Variants in LANCL1 observed in about 807,000 individuals in gnomAD.
LANCL1 encodes the protein glutathione S-transferase LANCL1.
A neutral mutation model predicts 50.6 loss-of-function variants in LANCL1; 50 were observed. The observed-to-expected ratio is 0.99, with a 90% confidence interval of 0.79 to 1.25. The LOEUF is 1.25. Among genes scored for constraint, LANCL1 ranks in the 50% most tolerant of loss-of-function variants. The pLI, the probability that LANCL1 is intolerant of heterozygous loss-of-function variation, is 0.00. For missense variants in LANCL1, 532 were observed against 480.7 expected (o/e 1.11, Z -1.00); for synonymous variants, 188 against 178.6 (o/e 1.05, Z -0.42).
intron 3 of LANCL1, among the ~76,000 whole-genome samples, chr2:210,456,203 C>A (rs1320664606): frequency 2.0e-5 from 3 of 152,084 alleles, no homozygotes; most frequent in Non-Finnish European, 2.9e-5. Flanking sequence ...CCCATTTTTT[C>A]CCTTGAAGTA....
At chr2:210,474,435 GC>G (rs944215046) in intron 2 of LANCL1, among the ~76,000 whole-genome samples, 46 of 152,086 alleles carry the variant, frequency 3.0e-4, no homozygotes, top group African/African-American at 1.1e-3. Context: ...GTTAAATTTG[GC>G]CCGACATGGT....
At chr2:210,454,222 ACAC>A (rs1459832184) in intron 4 of LANCL1, among the ~76,000 whole-genome samples, 1 of 1,244 alleles carries the variant, frequency 8.0e-4, no homozygotes, top group Non-Finnish European at 1.3e-3. Context: ...GCATACATAC[ACAC>A]ACACACACAC....
intron 1 of LANCL1, 67 bp downstream of exon 1, chr2:210,476,553 G>A (rs887971729): frequency 5.0e-6 from 7 of 1,395,096 alleles, no homozygotes; most frequent in Non-Finnish European, 6.5e-6. Context: ...TGGACCTCGG[G>A]CCCACTGCGG....
intron 3 of LANCL1, chr2:210,460,746 T>C (rs896656601): frequency 2.6e-5 from 4 of 152,170 alleles, no homozygotes; most frequent in Admixed American, 2.6e-4. Flanking sequence ...AAGCTGAGCA[T>C]TGTGGGCCGT....
At chr2:210,473,257 C>T (rs1036670671) in intron 2 of LANCL1, among the ~76,000 whole-genome samples, 1 of 152,124 alleles carries the variant, frequency 6.6e-6, no homozygotes, top group Non-Finnish European at 1.5e-5. Flanking sequence ...CGCCTGTAAT[C>T]CCAGCTATTC....
At chr2:210,436,436 A>G in intron 7 of LANCL1, 44 bp from the exon 8 acceptor site, 1 of 1,563,800 alleles carries the variant, frequency 6.4e-7, no homozygotes, top group Non-Finnish European at 8.8e-7. Context: ...GATATAAAAG[A>G]AAGTTCCATT....
At chr2:210,451,471 A>G (rs1276185721) in intron 4 of LANCL1, among the ~76,000 whole-genome samples, 1 of 152,210 alleles carries the variant, frequency 6.6e-6, no homozygotes, top group Non-Finnish European at 1.5e-5. Flanking sequence ...TCAAAGTATA[A>G]TAACAACAAA....
intron 3 of LANCL1, among the ~76,000 whole-genome samples, chr2:210,464,292 A>T (rs1234699475): frequency 6.6e-6 from 1 of 152,248 alleles, no homozygotes; most frequent in African/African-American, 2.4e-5. Context: ...TTTACTAAGC[A>T]TGTTTAACAC....
intron 7 of LANCL1, among the ~76,000 whole-genome samples, chr2:210,436,643 G>A (rs527278423): frequency 6.6e-6 from 1 of 152,274 alleles, no homozygotes; most frequent in South Asian, 2.1e-4. Flanking sequence ...GTTTATGTGG[G>A]TGTTACTGAG....
At chr2:210,471,264 C>G (rs149859042) in intron 3 of LANCL1, among the ~76,000 whole-genome samples, 9 of 146,226 alleles carry the variant, frequency 6.2e-5, no homozygotes, top group African/African-American at 1.7e-4. Flanking sequence ...CCAGGATGGT[C>G]TTGATCTCTT....
chr2:210,437,135 G>T (rs1692959352), intron 7 of LANCL1, among the ~76,000 whole-genome samples: 1 of 152,054 alleles, frequency 6.6e-6, no homozygotes, highest in South Asian at 2.1e-4. Context: ...TTCTGTGAAG[G>T]CATGCTTTCT....
chr2:210,475,627 C>G (rs960628173), intron 2 of LANCL1, among the ~76,000 whole-genome samples: 2 of 152,146 alleles, frequency 1.3e-5, no homozygotes, highest in Non-Finnish European at 2.9e-5. Flanking sequence ...GCCACTGCAC[C>G]CAGCCAAAAG....
intron 4 of LANCL1, among the ~76,000 whole-genome samples, chr2:210,444,497 G>A (rs1229517059): frequency 6.6e-6 from 1 of 152,216 alleles, no homozygotes; most frequent in African/African-American, 2.4e-5. Flanking sequence ...GAGTCTTTAA[G>A]GGAACTGCAG....
At chr2:210,472,522 T>A (rs981294946) in intron 2 of LANCL1, among the ~76,000 whole-genome samples, 28 of 152,006 alleles carry the variant, frequency 1.8e-4, no homozygotes, top group Admixed American at 1.1e-3. Flanking sequence ...AAAAAGGATT[T>A]AAAAAAAATG....
chr2:210,453,168 T>C (rs1439615008), intron 4 of LANCL1, among the ~76,000 whole-genome samples: 1 of 152,330 alleles, frequency 6.6e-6, no homozygotes, highest in Admixed American at 6.5e-5. Context: ...ACAAGCCTAC[T>C]GGCTATAAAT....
At chr2:210,455,037 T>G (rs1401685476) in intron 4 of LANCL1, 70 bp downstream of exon 4, 1 of 1,312,318 alleles carries the variant, frequency 7.6e-7, no homozygotes, top group East Asian at 2.3e-5. Flanking sequence ...TAGAATGTTC[T>G]TTTGTTAACA....
At chr2:210,465,502 T>G (rs984250304) in intron 3 of LANCL1, among the ~76,000 whole-genome samples, 1 of 152,130 alleles carries the variant, frequency 6.6e-6, no homozygotes, top group African/African-American at 2.4e-5. Context: ...AAAAGGAAAT[T>G]CATGAAGCCA....
At chr2:210,454,586 T>A (rs1284141201) in intron 4 of LANCL1, among the ~76,000 whole-genome samples, 1 of 152,140 alleles carries the variant, frequency 6.6e-6, no homozygotes, top group African/African-American at 2.4e-5. Flanking sequence ...GAAAGAGTGC[T>A]TAATAAACTC....
intron 4 of LANCL1, among the ~76,000 whole-genome samples, chr2:210,446,004 C>G (rs1162917937): frequency 1.3e-5 from 2 of 152,192 alleles, no homozygotes; most frequent in Non-Finnish European, 2.9e-5. Flanking sequence ...GGACAGAGCA[C>G]CTGGGGGAAG....
Sources: allele counts gnomAD v4.1 joint callset (sites outside exome capture counted in the v4.1 genomes callset), GRCh38; gene constraint gnomAD v4.1.1; transcripts MANE v1.5; gene names NCBI Gene and HGNC (gene_info 2026-07-23, HGNC 2026-07-21).